The following BMPR2 variants were observed in gnomAD, a reference collection of about 807,000 sequenced individuals.
The protein encoded by BMPR2 is bone morphogenetic protein receptor type 2, also known as bone morphogenetic protein receptor type-2.
Under a neutral mutation model 100.8 loss-of-function variants are expected in BMPR2, and 29 were observed. That is an observed-to-expected ratio of 0.29 (90% CI 0.21 to 0.39). BMPR2 has a LOEUF of 0.39. Ranked by LOEUF, BMPR2 falls within the 10% of genes least tolerant of loss-of-function variation. The probability of loss-of-function intolerance (pLI) is 1.00; values close to 1 mark genes in which losing one functional copy is unlikely to be tolerated. For missense variants in BMPR2, 1,011 were observed against 1,274.5 expected (o/e 0.79, Z 3.15); for synonymous variants, 382 against 442.3 (o/e 0.86, Z 1.71).
At position 202,497,334 on chromosome 2, in the gene BMPR2, G is replaced by A. The variant is rs1025300949; in HGVS notation, c.419-16385G>A. On this transcript the variant is annotated intron_variant, in intron 3 of 12. Coordinates refer to ENST00000374580, the MANE Select transcript of BMPR2 (RefSeq NM_001204.7). ...CTATCCGCAAGCAGTGAGTACCATC[G>A]GACCCCTTTCGCTTGCTATTCTGTC... 6.6e-5 allele frequency among the ~76,000 whole-genome samples: 10 copies of A among 152,204 alleles called. No individual in the cohort carries two copies. The East Asian group carries it at 7.7e-4, about 12-fold the overall frequency.
At chr2:202,550,047 A>G (rs1450941518) in intron 10 of BMPR2, among the ~76,000 whole-genome samples, 2 of 152,124 alleles carry the variant, frequency 1.3e-5, no homozygotes, top group East Asian at 3.9e-4. Context: ...CTGGGACCAC[A>G]GGTGTGCACA....
intron 3 of BMPR2, among the ~76,000 whole-genome samples, chr2:202,510,982 G>GTTTTTTTT (rs370738313): frequency 7.6e-6 from 1 of 132,002 alleles, no homozygotes. Context: ...CCTGGCTTTA[G>GTTTTTTTT]TTTTTTTTTT....
At chr2:202,506,313 AG>A (rs1235388339) in intron 3 of BMPR2, among the ~76,000 whole-genome samples, 1 of 151,834 alleles carries the variant, frequency 6.6e-6, no homozygotes, top group East Asian at 1.9e-4. Flanking sequence ...CACACCACCA[AG>A]CCCAGCTAAT....
intron 3 of BMPR2, among the ~76,000 whole-genome samples, chr2:202,508,257 T>C (rs1374422991): frequency 6.6e-6 from 1 of 151,830 alleles, no homozygotes; most frequent in Non-Finnish European, 1.5e-5. Flanking sequence ...CACACCTGGC[T>C]AATTTTTGTA....
chr2:202,493,106 CAT>C (rs1574476276), intron 3 of BMPR2, among the ~76,000 whole-genome samples: 1 of 152,298 alleles, frequency 6.6e-6, no homozygotes, highest in East Asian at 1.9e-4. Context: ...CTTTGAGTGA[CAT>C]AGTCTTTGGT....
chr2:202,392,033 T>G (rs1489871998), intron 1 of BMPR2, among the ~76,000 whole-genome samples: 1 of 151,916 alleles, frequency 6.6e-6, no homozygotes, highest in Non-Finnish European at 1.5e-5. Flanking sequence ...GTGCTGAGAT[T>G]AAAGATGTGA....
At chr2:202,444,478 G>A (rs913361909) in intron 1 of BMPR2, among the ~76,000 whole-genome samples, 1 of 150,702 alleles carries the variant, frequency 6.6e-6, no homozygotes, top group Non-Finnish European at 1.5e-5. Flanking sequence ...ACAAAACCTA[G>A]AGAAATTATG....
At chr2:202,421,565 C>T (rs1691262679) in intron 1 of BMPR2, among the ~76,000 whole-genome samples, 3 of 148,016 alleles carry the variant, frequency 2.0e-5, no homozygotes, top group Admixed American at 6.8e-5. Context: ...TGGCGTGAAC[C>T]TGGGAGGCAG....
At chr2:202,534,328 A>G (rs1688085031) in intron 9 of BMPR2, among the ~76,000 whole-genome samples, 2 of 151,612 alleles carry the variant, frequency 1.3e-5, no homozygotes, top group East Asian at 1.9e-4. Context: ...GCTGGGTCAT[A>G]GGACAATAGT....
At chr2:202,494,561 T>G (rs1692979350) in intron 3 of BMPR2, among the ~76,000 whole-genome samples, 1 of 152,226 alleles carries the variant, frequency 6.6e-6, no homozygotes, top group African/African-American at 2.4e-5. Context: ...TTTGCTTGTA[T>G]AAGCCCAACT....
rs71406983 is a variant in BMPR2, at chr2:202,464,159, C to CAAA, written c.77-630_77-628dup. On this transcript the variant is annotated intron_variant, in intron 1 of 12. Coordinates refer to ENST00000374580, the MANE Select transcript of BMPR2 (RefSeq NM_001204.7). ...GGGCATCAAGAGCGAAACTCTGTCT[C>CAAA]AAAAAAAAAAAAAAAAAAAAAAGAA... Among the ~76,000 whole-genome samples the CAAA allele has an allele frequency of 4.9e-3, 307 of 62,566 alleles. 4 individuals carry two copies. The highest frequency in any genetic ancestry group is 6.7e-3 in the Non-Finnish European group (234 of 34,900). The allele number at this position is 62,566 out of a possible 152,430, so 41.0% of individuals were successfully genotyped here. A position where few individuals can be genotyped will look rare whatever the true frequency, so the allele number is the denominator to read the frequency against.
chr2:202,415,786 A>G (rs1691114928), intron 1 of BMPR2, among the ~76,000 whole-genome samples: 1 of 152,242 alleles, frequency 6.6e-6, no homozygotes, highest in African/African-American at 2.4e-5. Context: ...TCAAAATATT[A>G]CTGATCATTG....
intron 1 of BMPR2, among the ~76,000 whole-genome samples, chr2:202,402,333 A>G (rs1690782047): frequency 6.6e-6 from 1 of 152,160 alleles, no homozygotes; most frequent in African/African-American, 2.4e-5. Context: ...CCTGACCAAC[A>G]TGGTGAAACC....
chr2:202,430,118 T>G (rs1691474623), intron 1 of BMPR2, among the ~76,000 whole-genome samples: 1 of 152,126 alleles, frequency 6.6e-6, no homozygotes, highest in Non-Finnish European at 1.5e-5. Flanking sequence ...ACTGTGAAAT[T>G]AGAGAGAAAG....
chr2:202,518,135 T>C (rs1319735693), intron 5 of BMPR2, among the ~76,000 whole-genome samples: 1 of 137,312 alleles, frequency 7.3e-6, no homozygotes, highest in African/African-American at 2.7e-5. Flanking sequence ...CTCTTTTTTT[T>C]TTTTTTTTTT....
At chr2:202,473,659 T>C (rs1692479969) in intron 3 of BMPR2, among the ~76,000 whole-genome samples, 1 of 151,954 alleles carries the variant, frequency 6.6e-6, no homozygotes, top group East Asian at 2.0e-4. Context: ...GGTGTGGTAG[T>C]GGGCGCCTGT....
At chr2:202,483,161 A>G (rs1399292604) in intron 3 of BMPR2, among the ~76,000 whole-genome samples, 5 of 152,090 alleles carry the variant, frequency 3.3e-5, no homozygotes, top group African/African-American at 1.2e-4. Context: ...GGCCATTTGG[A>G]AAAATACCTA....
rs1691914250 is a variant in BMPR2 at position 202,448,924 on chromosome 2, G to GT, written c.77-15885_77-15884insT. 4.3e-4 allele frequency among the ~76,000 whole-genome samples: 62 copies of GT among 142,814 alleles called. No individual in the cohort carries two copies. The Admixed American group carries it at 4.4e-3, about 10-fold the overall frequency. The allele number at this position is 142,814 out of a possible 152,430, so 93.7% of individuals were successfully genotyped here. Reference sequence around the variant, plus strand: ...TGGATTATTTTGTCAGTTTAGAATTGGTGTGTGTGTGTGTGTGTGTGTGTG... The same window carrying GT: ...TGGATTATTTTGTCAGTTTAGAATTGTGTGTGTGTGTGTGTGTGTGTGTGTG... On this transcript the variant is annotated intron_variant, in intron 1 of 12. Transcript: ENST00000374580.
Position 202,438,286 on chromosome 2 carries a change from C to T in BMPR2, c.77-26523C>T, listed in dbSNP as rs1287380258. On this transcript the variant is annotated intron_variant, in intron 1 of 12. Coordinates refer to ENST00000374580, the MANE Select transcript of BMPR2 (RefSeq NM_001204.7). ...CAAGATCACGCCATTGCACTCCAGC[C>T]TGGGCAACAAGAGCGAAACTCCGTC... Among the ~76,000 whole-genome samples, 2 of 150,288 alleles carry T rather than the reference C, an allele frequency of 1.3e-5. 1 individual carries two copies. The highest frequency in any genetic ancestry group is 5.0e-5 in the African/African-American group (2 of 39,690).
Sources: gnomAD v4.1 joint callset for allele counts (sites outside exome capture counted in the v4.1 genomes callset) on GRCh38, gnomAD v4.1.1 for gene constraint, MANE v1.5 for transcripts, NCBI Gene and HGNC (gene_info 2026-07-23, HGNC 2026-07-21) for gene names.